ETFA: variants seen among roughly 807,000 people sequenced by gnomAD.
ETFA encodes the protein electron transfer flavoprotein subunit alpha, mitochondrial.
Under a neutral mutation model 46.2 loss-of-function variants are expected in ETFA, and 22 were observed. The ratio of observed to expected loss-of-function variants is 0.48; its 90% confidence interval spans 0.34 to 0.68. ETFA has a LOEUF of 0.68. Among genes scored for constraint, ETFA ranks in the 30% least tolerant of loss-of-function variants. ETFA has a pLI of 0.01. For missense variants in ETFA, 345 were observed against 401.1 expected, an observed-to-expected ratio of 0.86 and a Z score of 1.19; for synonymous variants, 131 against 139.9, an observed-to-expected ratio of 0.94 and a Z score of 0.45.
At chr15:76,253,085 C>CT in intron 9 of ETFA, among the ~76,000 whole-genome samples, 1 of 152,008 alleles carries the variant, frequency 6.6e-6, no homozygotes, top group Non-Finnish European at 1.5e-5. Context: ...AGCTGTACTG[C>CT]TTTTAATTTT....
At chr15:76,311,246 G>A in intron 1 of ETFA, 104 bp downstream of exon 1, 1 of 1,359,854 alleles carries the variant, frequency 7.4e-7, no homozygotes, top group Non-Finnish European at 1.0e-6. Flanking sequence ...GCGGGCGCGA[G>A]GGCTGGTCGA....
intron 4 of ETFA, 110 bp from the exon 5 acceptor site, chr15:76,288,055 A>G (rs1596220188): frequency 1.3e-6 from 1 of 753,012 alleles, no homozygotes; most frequent in Non-Finnish European, 2.3e-6. Context: ...TTTAATTCAA[A>G]TATTTTATAT....
At chr15:76,255,253 T>C (rs1363383841) in intron 9 of ETFA, among the ~76,000 whole-genome samples, 1 of 152,230 alleles carries the variant, frequency 6.6e-6, no homozygotes, top group African/African-American at 2.4e-5. Flanking sequence ...CTCTATCTTA[T>C]GCAAAGGAAG....
At chr15:76,268,189 C>CAAAAA (rs57096514) in intron 9 of ETFA, among the ~76,000 whole-genome samples, 25,654 of 105,562 alleles carry the variant, frequency 0.24, 3,095 homozygotes, top group East Asian at 0.51. Flanking sequence ...CCAGCTACAG[C>CAAAAA]AAAAAAAAAA....
intron 4 of ETFA, among the ~76,000 whole-genome samples, chr15:76,290,680 T>G (rs921622802): frequency 3.9e-5 from 6 of 152,118 alleles, no homozygotes; most frequent in Non-Finnish European, 5.9e-5. Context: ...ACAAAACAAT[T>G]CATGCCATAT....
intron 9 of ETFA, among the ~76,000 whole-genome samples, chr15:76,246,786 TCA>T (rs2039247024): frequency 1.3e-5 from 2 of 151,142 alleles, no homozygotes; most frequent in Non-Finnish European, 2.9e-5. Flanking sequence ...TGAGCCGAGA[TCA>T]TGCCACTGCA....
rs140112204 is a variant in ETFA at position 76,261,245 on chromosome 15, G to C, written c.816+13167C>G. On this transcript the variant is annotated intron_variant, in intron 9 of 11. Coordinates refer to ENST00000557943, the MANE Select transcript of ETFA (RefSeq NM_000126.4). ...ACAGCCTTGCAAGACAGTTGGAAAG[G>C]GGCATTGGGTGGCACTGCCAGATCT... 104 of 1,570,140 alleles carry C rather than the reference G, an allele frequency of 6.6e-5. No individual in the cohort carries two copies. The African/African-American group carries it at 1.0e-3, about 15-fold the overall frequency.
chr15:76,306,575 T>C (rs1052561931), intron 1 of ETFA, among the ~76,000 whole-genome samples: 1 of 152,030 alleles, frequency 6.6e-6, no homozygotes, highest in Non-Finnish European at 1.5e-5. Flanking sequence ...GTTTTTTTGC[T>C]TCTTAATTAA....
intron 10 of ETFA, 166 bp from the exon 11 acceptor site, chr15:76,226,095 A>AG: frequency 1.7e-6 from 1 of 595,746 alleles, no homozygotes; most frequent in Non-Finnish European, 3.0e-6. Context: ...TCCAGGTTGG[A>AG]ATGTAATAAA....
intron 1 of ETFA, among the ~76,000 whole-genome samples, 199 bp from the exon 2 acceptor site, chr15:76,295,936 C>CTTTTTGTT (rs2039816595): frequency 2.1e-5 from 1 of 46,602 alleles, no homozygotes; most frequent in Non-Finnish European, 4.2e-5. Context: ...CACTAATATT[C>CTTTTTGTT]TTTTTTTTTT....
At chr15:76,219,357 T>G (rs2142103121) in intron 11 of ETFA, among the ~76,000 whole-genome samples, 1 of 152,214 alleles carries the variant, frequency 6.6e-6, no homozygotes, top group South Asian at 2.1e-4. Flanking sequence ...ATATATGAGC[T>G]AAAACCATAA....
At chr15:76,229,441 G>A (rs2039041885) in intron 10 of ETFA, among the ~76,000 whole-genome samples, 1 of 152,156 alleles carries the variant, frequency 6.6e-6, no homozygotes, top group African/African-American at 2.4e-5. Context: ...ACACTACCTA[G>A]TGTCTCTCCC....
intron 9 of ETFA, chr15:76,261,341 C>A: frequency 7.7e-7 from 1 of 1,304,040 alleles, no homozygotes; most frequent in Non-Finnish European, 1.1e-6. Flanking sequence ...TGGGTTTCGC[C>A]CCCATCCACC....
chr15:76,252,533 G>A lies in ETFA; in HGVS notation c.817-21135C>T, dbSNP rs1271591043. On this transcript the variant is annotated intron_variant, in intron 9 of 11. Coordinates refer to ENST00000557943, the MANE Select transcript of ETFA (RefSeq NM_000126.4). ...AAGAACACTGAGAAAGCCTCACTCT[G>A]AGGCCCAAGTGCAGAGGATCTGCCT... Among the ~76,000 whole-genome samples, 4 of 152,204 alleles carry A rather than the reference G, an allele frequency of 2.6e-5. No homozygotes were observed. In the East Asian group the frequency reaches 7.7e-4, roughly 29 times the overall value.
chr15:76,276,784 T>G (rs1449388729), intron 8 of ETFA, among the ~76,000 whole-genome samples: 1 of 152,226 alleles, frequency 6.6e-6, no homozygotes, highest in Non-Finnish European at 1.5e-5. Flanking sequence ...TACAATGTTT[T>G]TTATCTCTAG....
At position 76,292,556 on chromosome 15, in the gene ETFA, T is replaced by A. The variant is rs771574968; in HGVS notation, c.269-43A>T. 1.9e-6 allele frequency: 3 copies of A among 1,589,684 alleles called. No homozygotes were observed. In the South Asian group the frequency reaches 3.3e-5, roughly 18 times the overall value. On this transcript the variant is annotated intron_variant, in intron 3 of 11. Coordinates refer to ENST00000557943, the MANE Select transcript of ETFA (RefSeq NM_000126.4). ...TTGATAAAAAAATATTTTGAAATAC[T>A]TTCATATTCATATATTCAAGCGTAA... is the stretch of plus-strand genomic sequence containing the variant.
At chr15:76,260,280 T>C in intron 9 of ETFA, 1 of 1,166,494 alleles carries the variant, frequency 8.6e-7, no homozygotes, top group Non-Finnish European at 1.3e-6. Context: ...TGCCCAGAAG[T>C]GAATGGCTGG....
chr15:76,287,575 A>G (rs745882894), intron 5 of ETFA, among the ~76,000 whole-genome samples: 2 of 152,184 alleles, frequency 1.3e-5, no homozygotes, highest in Non-Finnish European at 2.9e-5. Flanking sequence ...AAAATATATT[A>G]AATTGTGAAT....
intron 1 of ETFA, among the ~76,000 whole-genome samples, chr15:76,306,717 A>G (rs1307714410): frequency 1.3e-5 from 2 of 152,238 alleles, no homozygotes; most frequent in African/African-American, 4.8e-5. Context: ...TGTACTTTAA[A>G]TACTTCCTTT....
Sources: allele counts gnomAD v4.1 joint callset (sites outside exome capture counted in the v4.1 genomes callset), GRCh38; gene constraint gnomAD v4.1.1; transcripts MANE v1.5; gene names NCBI Gene and HGNC (gene_info 2026-07-23, HGNC 2026-07-21).